UTRN: variants seen among roughly 807,000 people sequenced by gnomAD.
UTRN encodes dystrophin-related protein 1.
UTRN carries 283 observed loss-of-function variants against 463.9 expected under a neutral mutation model. That is an observed-to-expected ratio of 0.61 (90% CI 0.55 to 0.67). UTRN has a LOEUF of 0.67. UTRN is among the 30% of genes least tolerant of loss of function. The probability of loss-of-function intolerance (pLI) is 0.00; values close to 1 mark genes in which losing one functional copy is unlikely to be tolerated. For synonymous variants in UTRN, 1,442 were observed against 1,431.5 expected (o/e 1.01, Z -0.17); for missense variants, 3,922 against 4,084.3 (o/e 0.96, Z 1.08).
At chr6:144,361,370 T>C (rs1003868710) in intron 2 of UTRN, among the ~76,000 whole-genome samples, 2 of 152,196 alleles carry the variant, frequency 1.3e-5, no homozygotes, top group South Asian at 4.1e-4. Flanking sequence ...TAATTATTAA[T>C]GCTCCAGGGA....
chr6:144,640,466 G>A (rs942296648), intron 51 of UTRN, among the ~76,000 whole-genome samples: 2 of 152,004 alleles, frequency 1.3e-5, no homozygotes, highest in African/African-American at 2.4e-5. Context: ...AACTGATATC[G>A]TACATTCAAT....
rs560581181 is a variant in UTRN at position 144,347,837 on chromosome 6, G to GTTTTTTTTTTTTTTTTT, written c.80-55274_80-55273insTTTTTTTTTTTTTTTTT. On this transcript the variant is annotated intron_variant, in intron 2 of 74. Transcript: ENST00000367545. ...TCTCCTGAACTGTGGCTTATTCTTT[G>GTTTTTTTTTTTTTTTTT]TTTTTTTTTTTTGTTTTTTTTTTTG... 8.3e-4 allele frequency among the ~76,000 whole-genome samples: 107 copies of GTTTTTTTTTTTTTTTTT among 128,880 alleles called. 12 individuals carry two copies. Among genetic ancestry groups the GTTTTTTTTTTTTTTTTT allele is most frequent in the African/African-American group, 3.5e-3 (102 of 29,450 alleles). The allele number at this position is 128,880 out of a possible 152,430, so 84.6% of individuals were successfully genotyped here. A position where few individuals can be genotyped will look rare whatever the true frequency, so the allele number is the denominator to read the frequency against.
intron 61 of UTRN, among the ~76,000 whole-genome samples, chr6:144,786,576 G>A (rs1020969910): frequency 2.0e-5 from 3 of 152,146 alleles, no homozygotes; most frequent in African/African-American, 7.2e-5. Context: ...GAGCCACCGC[G>A]CCGGGCCTGA....
At chr6:144,496,749 T>C (rs929431706) in intron 33 of UTRN, among the ~76,000 whole-genome samples, 2 of 152,220 alleles carry the variant, frequency 1.3e-5, no homozygotes, top group Non-Finnish European at 2.9e-5. Context: ...TTATGAAGAA[T>C]GTACATGGTT....
intron 53 of UTRN, among the ~76,000 whole-genome samples, chr6:144,716,800 C>G (rs1390734509): frequency 6.6e-6 from 1 of 152,074 alleles, no homozygotes; most frequent in Admixed American, 6.5e-5. Context: ...CATGTCATGC[C>G]TATTTCTTCA....
intron 18 of UTRN, among the ~76,000 whole-genome samples, chr6:144,452,540 T>C (rs1053990031): frequency 6.6e-6 from 1 of 152,164 alleles, no homozygotes; most frequent in African/African-American, 2.4e-5. Flanking sequence ...TGTGTATACA[T>C]GATTTTACTT....
rs1014315870 is a variant in UTRN, at chr6:144,437,425, A to G, written c.1060-140A>G. The G allele has an allele frequency of 7.2e-6, 5 of 692,046 alleles. No homozygotes were observed. The African/African-American group carries it at 7.4e-5, about 10-fold the overall frequency. The allele number at this position is 692,046 out of a possible 1,614,324, so 42.9% of individuals were successfully genotyped here. Reference sequence around the variant, plus strand: ...TTTCAGAGATTAAAAAATGTGGTCAATGTCTATTTTATTTGCGCTCTACTA... The same window carrying G: ...TTTCAGAGATTAAAAAATGTGGTCAGTGTCTATTTTATTTGCGCTCTACTA... On this transcript the variant is annotated intron_variant, in intron 10 of 74. Transcript: ENST00000367545.
chr6:144,397,163 C>T (rs1484520181), intron 2 of UTRN, among the ~76,000 whole-genome samples: 1 of 151,972 alleles, frequency 6.6e-6, no homozygotes, highest in African/African-American at 2.4e-5. Context: ...AGAACCGCTT[C>T]AACCTGGGAG....
chr6:144,362,099 C>T (rs911732995), intron 2 of UTRN, among the ~76,000 whole-genome samples: 3 of 152,120 alleles, frequency 2.0e-5, no homozygotes, highest in Non-Finnish European at 4.4e-5. Flanking sequence ...AACATATCAA[C>T]TCATTGGAGC....
chr6:144,390,916 C>T (rs1046414936), intron 2 of UTRN, among the ~76,000 whole-genome samples: 1 of 152,300 alleles, frequency 6.6e-6, no homozygotes, highest in Non-Finnish European at 1.5e-5. Context: ...GGGACTGACA[C>T]ATAGTAGATG....
intron 33 of UTRN, among the ~76,000 whole-genome samples, chr6:144,498,657 A>G: frequency 6.7e-6 from 1 of 149,276 alleles, no homozygotes; most frequent in East Asian, 1.9e-4. Context: ...TACACATAAC[A>G]ATCTTTTTTT....
At chr6:144,537,361 GT>G (rs2128604892) in intron 43 of UTRN, among the ~76,000 whole-genome samples, 1 of 151,902 alleles carries the variant, frequency 6.6e-6, no homozygotes, top group South Asian at 2.1e-4. Context: ...TAGTTTCAAT[GT>G]TTTTGAATTT....
chr6:144,722,085 G>A (rs1787242644), intron 53 of UTRN, among the ~76,000 whole-genome samples: 1 of 152,074 alleles, frequency 6.6e-6, no homozygotes, highest in African/African-American at 2.4e-5. Flanking sequence ...GCATAGAGAA[G>A]TATGTGGTTG....
intron 34 of UTRN, among the ~76,000 whole-genome samples, chr6:144,504,573 T>G (rs1210646612): frequency 6.6e-6 from 1 of 152,222 alleles, no homozygotes; most frequent in Non-Finnish European, 1.5e-5. Context: ...TTTATTGATT[T>G]GCATTGAACT....
intron 2 of UTRN, among the ~76,000 whole-genome samples, chr6:144,339,053 T>C (rs1461182067): frequency 6.6e-6 from 1 of 152,202 alleles, no homozygotes; most frequent in African/African-American, 2.4e-5. Context: ...ATATATGACT[T>C]GTGCTATATA....
In UTRN at chr6:144,426,294, A is replaced by G. The variant is rs115449882; in HGVS notation, c.413A>G (p.Asp138Gly). 7.4e-6 allele frequency: 12 copies of G among 1,613,228 alleles called. No individual in the cohort carries two copies. In the African/African-American group the frequency reaches 8.0e-5, roughly 11 times the overall value. Reference sequence around the variant, plus strand: ...CTGGTTTCTCTTACATAGGTGAAAGATGTCATGAAGGATGTCATGTCGGAC... The same window carrying G: ...CTGGTTTCTCTTACATAGGTGAAAGGTGTCATGAAGGATGTCATGTCGGAC... ...WSIILHWQVK[D>G]VMKDVMSDLQ... The change falls in exon 7 of 75, where the codon GAT becomes GGT. Residue 138 changes from aspartate (D) to glycine (G), a missense_variant. Physicochemically the swap from Asp to Gly is moderately conservative, Grantham distance 94. This residue lies in a region of UTRN where 264 missense variants were observed against 327.9 expected (regional missense o/e 0.81). Coordinates refer to ENST00000367545, the MANE Select transcript of UTRN (RefSeq NM_007124.3).
intron 2 of UTRN, among the ~76,000 whole-genome samples, chr6:144,361,400 C>A (rs1230544553): frequency 6.6e-6 from 1 of 152,030 alleles, no homozygotes; most frequent in Non-Finnish European, 1.5e-5. Context: ...GCTTGGCAGG[C>A]AGGGAAATAT....
rs938890468 is a variant in UTRN, at chr6:144,421,687, T to TA, written c.142-181dup. Among the ~76,000 whole-genome samples the TA allele has an allele frequency of 1.3e-4, 19 of 147,316 alleles. No individual in the cohort carries two copies. The South Asian group carries it at 1.5e-3, about 12-fold the overall frequency. ...CTGGGCGACAGAGTGAGACTCTGTC[T>TA]AAAAAAAAAATTAATTAATTAAAAT... On this transcript the variant is annotated intron_variant, in intron 3 of 74. Coordinates refer to ENST00000367545, the MANE Select transcript of UTRN (RefSeq NM_007124.3).
At chr6:144,437,329 G>A (rs1447273972) in intron 10 of UTRN, among the ~76,000 whole-genome samples, 2 of 152,076 alleles carry the variant, frequency 1.3e-5, no homozygotes, top group African/African-American at 4.8e-5. Flanking sequence ...AAAATAGCTG[G>A]TATTATCAGA....
Sources: gnomAD v4.1 joint callset for allele counts (sites outside exome capture counted in the v4.1 genomes callset) on GRCh38, gnomAD v4.1.1 for gene constraint, gnomAD v4.1.1 regional missense constraint, MANE v1.5 for transcripts, NCBI Gene and HGNC (gene_info 2026-07-23, HGNC 2026-07-21) for gene names.